The following GALNT10 variants were observed in gnomAD, a reference collection of about 807,000 sequenced individuals.
GALNT10 encodes the protein polypeptide N-acetylgalactosaminyltransferase 10, also known as GalNAc transferase 10.
In GALNT10, 41 loss-of-function variants were observed where a neutral mutation model predicts 75.0. The observed-to-expected ratio is 0.55, with a 90% CI of 0.43 to 0.71. The LOEUF (loss-of-function observed/expected upper bound fraction) is 0.71. Ranked by LOEUF, GALNT10 falls within the 30% of genes least tolerant of loss-of-function variation. The probability of loss-of-function intolerance (pLI) is 0.00; values close to 1 mark genes in which losing one functional copy is unlikely to be tolerated. For synonymous variants in GALNT10, 302 were observed against 313.0 expected (o/e 0.96, Z 0.37); for missense variants, 727 against 818.5 (o/e 0.89, Z 1.36).
intron 4 of GALNT10, among the ~76,000 whole-genome samples, chr5:154,346,019 G>C (rs1366083030): frequency 1.5e-5 from 2 of 132,460 alleles, no homozygotes; most frequent in African/African-American, 5.8e-5. Flanking sequence ...GGCTGGTCTT[G>C]AACTCCTGGG....
intron 4 of GALNT10, among the ~76,000 whole-genome samples, chr5:154,342,518 A>G (rs1229079431): frequency 4.6e-5 from 7 of 152,248 alleles, no homozygotes; most frequent in African/African-American, 1.2e-4. Flanking sequence ...CTTAACAGAC[A>G]TCTCAGATTA....
chr5:154,399,567 G>A (rs934409539), intron 7 of GALNT10, among the ~76,000 whole-genome samples: 1 of 152,170 alleles, frequency 6.6e-6, no homozygotes, highest in Non-Finnish European at 1.5e-5. Flanking sequence ...TTATATTGTT[G>A]CTAGGATTAC....
chr5:154,269,135 G>A (rs1473709065), intron 1 of GALNT10, among the ~76,000 whole-genome samples: 3 of 109,498 alleles, frequency 2.7e-5, no homozygotes, highest in Non-Finnish European at 5.6e-5. Flanking sequence ...ACAGGCGCTT[G>A]CCACCACACC....
intron 1 of GALNT10, among the ~76,000 whole-genome samples, chr5:154,202,307 C>T (rs1422556595): frequency 1.3e-5 from 2 of 152,186 alleles, no homozygotes; most frequent in African/African-American, 4.8e-5. Context: ...CCAGGTGGCT[C>T]CTGGTGTGGC....
At chr5:154,326,447 A>C (rs566321949) in intron 3 of GALNT10, among the ~76,000 whole-genome samples, 1 of 152,260 alleles carries the variant, frequency 6.6e-6, no homozygotes, top group Non-Finnish European at 1.5e-5. Context: ...TTGCACATGA[A>C]TGTTCATATT....
intron 4 of GALNT10, among the ~76,000 whole-genome samples, chr5:154,354,687 T>G (rs12110145): frequency 0.017 from 2,562 of 152,216 alleles, 65 homozygotes; most frequent in African/African-American, 0.055. Context: ...TGGGGGGGTA[T>G]CGTTGGGGAG....
intron 1 of GALNT10, among the ~76,000 whole-genome samples, chr5:154,247,162 G>T (rs1581937171): frequency 1.3e-5 from 2 of 152,218 alleles, no homozygotes; most frequent in South Asian, 2.1e-4. Flanking sequence ...CTGTTCCATT[G>T]GTCTATATCT....
intron 7 of GALNT10, chr5:154,392,858 C>A (rs1259325146): frequency 6.6e-6 from 1 of 152,040 alleles, no homozygotes; most frequent in Non-Finnish European, 1.5e-5. Flanking sequence ...CATTTCAGAG[C>A]AAGCACATTC....
chr5:154,191,204 C>T (rs1179570145), intron 1 of GALNT10, among the ~76,000 whole-genome samples, 179 bp downstream of exon 1: 1 of 152,164 alleles, frequency 6.6e-6, no homozygotes, highest in African/African-American at 2.4e-5. Flanking sequence ...CAGGGTCCCA[C>T]GCCAGTCAGA....
At chr5:154,301,980 C>T (rs192556389) in intron 3 of GALNT10, among the ~76,000 whole-genome samples, 180 of 152,302 alleles carry the variant, frequency 1.2e-3, no homozygotes, top group African/African-American at 3.8e-3. Flanking sequence ...CCTGACACCC[C>T]CCTTTTTTGG....
At position 154,352,164 on chromosome 5, in the gene GALNT10, G is replaced by C. The variant is rs1254222591; in HGVS notation, c.568+22426G>C. ...TGAGTTTCTAGCATTGGCCATTCCTGGCCTGACTCTGCACCCAGCACCCTG... is the reference window on the plus strand; with the variant it reads ...TGAGTTTCTAGCATTGGCCATTCCTCGCCTGACTCTGCACCCAGCACCCTG... On this transcript the variant is annotated intron_variant, in intron 4 of 11. Coordinates refer to ENST00000297107, the MANE Select transcript of GALNT10 (RefSeq NM_198321.4). The surrounding 1 kb of genome is among the most constrained non-coding windows in gnomAD (Gnocchi z 4.4). Among the ~76,000 whole-genome samples the C allele has an allele frequency of 6.6e-6, 1 of 152,148 alleles. No homozygotes were observed. The highest frequency in any genetic ancestry group is 6.5e-5 in the Admixed American group (1 of 15,276).
At chr5:154,320,071 A>G (rs1754650953) in intron 3 of GALNT10, among the ~76,000 whole-genome samples, 1 of 152,222 alleles carries the variant, frequency 6.6e-6, no homozygotes, top group African/African-American at 2.4e-5. Flanking sequence ...TATTTAAACA[A>G]AGAACCTCTA....
intron 1 of GALNT10, among the ~76,000 whole-genome samples, chr5:154,266,084 G>A (rs1247385923): frequency 6.6e-6 from 1 of 152,148 alleles, no homozygotes; most frequent in East Asian, 1.9e-4. Context: ...TTTTTCTATT[G>A]TGGCAAAATA....
intron 1 of GALNT10, among the ~76,000 whole-genome samples, chr5:154,281,432 A>G (rs953539815): frequency 5.9e-5 from 9 of 152,286 alleles, no homozygotes; most frequent in Admixed American, 3.9e-4. Flanking sequence ...CATCAGCTCT[A>G]CTAGCTTTTT....
At chr5:154,365,514 A>T (rs1256967572) in intron 4 of GALNT10, among the ~76,000 whole-genome samples, 1 of 152,214 alleles carries the variant, frequency 6.6e-6, no homozygotes, top group Non-Finnish European at 1.5e-5. Context: ...AGAGAAGCCA[A>T]CATGAGCTGT....
intron 3 of GALNT10, among the ~76,000 whole-genome samples, chr5:154,310,304 A>G (rs1050751946): frequency 6.6e-6 from 1 of 152,178 alleles, no homozygotes; most frequent in Admixed American, 6.5e-5. Flanking sequence ...GTTCAAGAGC[A>G]ATGCAGCCTC....
intron 7 of GALNT10, among the ~76,000 whole-genome samples, chr5:154,403,119 G>T (rs1288299963): frequency 6.6e-6 from 1 of 152,160 alleles, no homozygotes; most frequent in African/African-American, 2.4e-5. Context: ...ACAGGAAACT[G>T]AGTCTCAGAG....
intron 1 of GALNT10, among the ~76,000 whole-genome samples, chr5:154,233,108 G>T (rs1387598665): frequency 6.6e-6 from 1 of 152,076 alleles, no homozygotes; most frequent in Non-Finnish European, 1.5e-5. Flanking sequence ...TCAGAAGATT[G>T]TTATAAAAAA....
At chr5:154,249,124 T>C (rs2113673128) in intron 1 of GALNT10, among the ~76,000 whole-genome samples, 1 of 152,348 alleles carries the variant, frequency 6.6e-6, no homozygotes, top group Non-Finnish European at 1.5e-5. Flanking sequence ...CACTTTAAGT[T>C]CCTGGGCTTG....
Sources: gnomAD v4.1 joint callset for allele counts (sites outside exome capture counted in the v4.1 genomes callset) on GRCh38, gnomAD v4.1.1 for gene constraint, Gnocchi (gnomAD v3.1) non-coding constraint, MANE v1.5 for transcripts, NCBI Gene and HGNC (gene_info 2026-07-23, HGNC 2026-07-21) for gene names.